Variants in ATOH8 observed in about 807,000 individuals in gnomAD.
ATOH8 encodes transcription factor ATOH8.
A neutral mutation model predicts 21.2 loss-of-function variants in ATOH8; 9 were observed. The observed-to-expected ratio is 0.42, with a 90% CI of 0.26 to 0.74. The LOEUF is 0.74. ATOH8 is among the 30% of genes least tolerant of loss of function. The pLI is 0.24. For missense variants in ATOH8, 524 were observed against 470.9 expected, an observed-to-expected ratio of 1.11 and a Z score of -1.04; for synonymous variants, 253 against 224.0, an observed-to-expected ratio of 1.13 and a Z score of -1.16.
chr2:85,769,289 G>GT (rs1680112908), intron 2 of ATOH8, among the ~76,000 whole-genome samples: 1 of 152,228 alleles, frequency 6.6e-6, no homozygotes, highest in South Asian at 2.1e-4. Context: ...CTGCCCTCAA[G>GT]TTGCTCAAAG....
rs771951468 is a variant in ATOH8 at position 85,754,842 on chromosome 2, C to T, written c.653C>T (p.Thr218Ile). 3.7e-6 allele frequency: 6 copies of T among 1,612,438 alleles called. No individual in the cohort carries two copies. The highest frequency in any genetic ancestry group is 1.7e-5 in the Admixed American group (1 of 60,012). The change falls in exon 1 of 3, where the codon ACT becomes ATT. Residue 218 changes from threonine to isoleucine, a missense_variant. By Grantham distance (89) the Thr-to-Ile change is moderately conservative. Transcript: ENST00000306279. The stretch of plus-strand genomic sequence containing the variant: ...CCTAGGAAACGACCGGGCGAAGCGA[C>T]TGCCGCCTCCTCCGAGATCAAAGCC... ...ASPRKRPGEA[T>I]AASSEIKALQ...
rs1680707143 is a variant in ATOH8 at position 85,789,412 on chromosome 2, G to A, written c.*2522G>A. Among the ~76,000 whole-genome samples the A allele has an allele frequency of 6.6e-6, 1 of 152,172 alleles. No homozygotes were observed. The highest frequency in any genetic ancestry group is 2.4e-5 in the African/African-American group (1 of 41,442). On this transcript the variant is annotated 3_prime_UTR_variant, in exon 3 of 3. Coordinates refer to ENST00000306279, the MANE Select transcript of ATOH8 (RefSeq NM_032827.7). ...ATTATGATTATAGCAGATGACTAAGGTGTTGTCGGGAGCTTCAGGAAAGGA... is the reference window on the plus strand; with the variant it reads ...ATTATGATTATAGCAGATGACTAAGATGTTGTCGGGAGCTTCAGGAAAGGA...
rs571683292 is a variant in ATOH8 at position 85,789,334 on chromosome 2, C to T, written c.*2444C>T. Among the ~76,000 whole-genome samples, 4 of 152,258 alleles carry T rather than the reference C, an allele frequency of 2.6e-5. No homozygotes were observed. The highest frequency in any genetic ancestry group is 4.1e-4 in the South Asian group (2 of 4,824). ...GGATCTTGTGTCATGCATGGCATCACGGAGCTCTGGGTTCTGTACGGAGGG... is the reference window on the plus strand; with the variant it reads ...GGATCTTGTGTCATGCATGGCATCATGGAGCTCTGGGTTCTGTACGGAGGG... On this transcript the variant is annotated 3_prime_UTR_variant, in exon 3 of 3. Transcript: ENST00000306279.
At position 85,785,947 on chromosome 2, in the gene ATOH8, C is replaced by T. The variant is rs546368521; in HGVS notation, c.961-938C>T. ...TTTCATCCTGGGTGGATCTGGAGGTCTCACAGAGCCTCCCCACCGGCTCTG... is the reference window on the plus strand; with the variant it reads ...TTTCATCCTGGGTGGATCTGGAGGTTTCACAGAGCCTCCCCACCGGCTCTG... On this transcript the variant is annotated intron_variant, in intron 2 of 2. Coordinates refer to ENST00000306279, the MANE Select transcript of ATOH8 (RefSeq NM_032827.7). This position sits in a 1 kb window ranked among gnomAD's most constrained non-coding sequence, Gnocchi z 4.1. Among the ~76,000 whole-genome samples, 27 of 152,220 alleles carry T rather than the reference C, an allele frequency of 1.8e-4. No homozygotes were observed. In the South Asian group the frequency reaches 5.6e-3, roughly 32 times the overall value.
intron 2 of ATOH8, among the ~76,000 whole-genome samples, chr2:85,782,199 A>G (rs1372626857): frequency 6.6e-6 from 1 of 152,254 alleles, no homozygotes; most frequent in Non-Finnish European, 1.5e-5. Context: ...TTTAAAAAAA[A>G]AGTCAGGATT....
intron 1 of ATOH8, among the ~76,000 whole-genome samples, chr2:85,755,829 G>A (rs1224553775): frequency 2.6e-5 from 4 of 152,130 alleles, no homozygotes; most frequent in African/African-American, 7.2e-5. Flanking sequence ...GAAGGAGGTG[G>A]TGAGTTCTCT....
intron 1 of ATOH8, among the ~76,000 whole-genome samples, chr2:85,759,390 T>C (rs1679801976): frequency 6.6e-6 from 1 of 152,126 alleles, no homozygotes; most frequent in Non-Finnish European, 1.5e-5. Flanking sequence ...CTCACTGCAC[T>C]GAGTGAGGCC....
intron 1 of ATOH8, among the ~76,000 whole-genome samples, chr2:85,756,739 C>T (rs1311225406): frequency 6.6e-6 from 1 of 152,152 alleles, no homozygotes; most frequent in African/African-American, 2.4e-5. Flanking sequence ...TCCAAGGTCA[C>T]CTAGTGGGTT....
intron 2 of ATOH8, among the ~76,000 whole-genome samples, chr2:85,771,414 G>A (rs1301838973): frequency 1.3e-5 from 2 of 152,208 alleles, no homozygotes; most frequent in African/African-American, 4.8e-5. Flanking sequence ...GAGTGCCAGA[G>A]AGGAAATCTC....
At chr2:85,771,903 G>C (rs1680192402) in intron 2 of ATOH8, among the ~76,000 whole-genome samples, 1 of 152,250 alleles carries the variant, frequency 6.6e-6, no homozygotes, top group Non-Finnish European at 1.5e-5. Context: ...CTTGCCTGGG[G>C]CCACATGGCC....
chr2:85,774,694 A>T (rs1023006447), intron 2 of ATOH8: 1 of 985,246 alleles, frequency 1.0e-6, no homozygotes, highest in Non-Finnish European at 1.2e-6. Flanking sequence ...GGGGCTCCCT[A>T]CAGGCCAAGG....
At chr2:85,762,695 C>T (rs1679899897) in intron 1 of ATOH8, among the ~76,000 whole-genome samples, 3 of 152,294 alleles carry the variant, frequency 2.0e-5, no homozygotes, top group Admixed American at 1.3e-4. Flanking sequence ...TTAGGGTCCC[C>T]AGTCTGGGGT....
chr2:85,789,913 C>A lies in ATOH8; in HGVS notation c.*3023C>A, dbSNP rs1268055728. Among the ~76,000 whole-genome samples, 1 of 152,130 alleles carries A rather than the reference C, an allele frequency of 6.6e-6. No individual in the cohort carries two copies. Among genetic ancestry groups the A allele is most frequent in the Non-Finnish European group, 1.5e-5 (1 of 68,038 alleles). On this transcript the variant is annotated 3_prime_UTR_variant, in exon 3 of 3. Coordinates refer to ENST00000306279, the MANE Select transcript of ATOH8 (RefSeq NM_032827.7). ...TTTCCCAGCTTCCTCTCCAGCACAG[C>A]AACTTGTGTTCGTATGCACACACAT...
chr2:85,779,841 G>T (rs747922382), intron 2 of ATOH8, among the ~76,000 whole-genome samples: 1 of 152,180 alleles, frequency 6.6e-6, no homozygotes, highest in African/African-American at 2.4e-5. Context: ...GCAAGGAGCC[G>T]CCCTCCGTAA....
At chr2:85,765,546 A>G (rs1241550717) in intron 2 of ATOH8, among the ~76,000 whole-genome samples, 2 of 152,156 alleles carry the variant, frequency 1.3e-5, no homozygotes, top group Non-Finnish European at 2.9e-5. Context: ...TGACACTGGT[A>G]AATTAGGGCG....
intron 2 of ATOH8, among the ~76,000 whole-genome samples, chr2:85,776,975 C>T (rs1680345270): frequency 6.6e-6 from 1 of 152,136 alleles, no homozygotes; most frequent in African/African-American, 2.4e-5. Flanking sequence ...AGCCCACCCA[C>T]CCCCTCCACA....
intron 2 of ATOH8, among the ~76,000 whole-genome samples, chr2:85,768,970 A>G (rs1227228606): frequency 4.6e-5 from 7 of 152,146 alleles, no homozygotes; most frequent in African/African-American, 1.7e-4. Context: ...AGCCGGAGAT[A>G]ATGCACGTTA....
chr2:85,780,368 G>A (rs1189735054), intron 2 of ATOH8: 2 of 152,252 alleles, frequency 1.3e-5, no homozygotes, highest in Non-Finnish European at 2.9e-5. Context: ...GTTTCTTACT[G>A]ATAGGAAAGT....
Position 85,789,514 on chromosome 2 carries a change from G to A in ATOH8, c.*2624G>A, listed in dbSNP as rs1461602554. Among the ~76,000 whole-genome samples, 1 of 152,210 alleles carries A rather than the reference G, an allele frequency of 6.6e-6. No homozygotes were observed. Among genetic ancestry groups the A allele is most frequent in the Non-Finnish European group, 1.5e-5 (1 of 68,030 alleles). ...ATGGGACTTGCGTCTTAAATGGTGA[G>A]TAAAAGCTTTCTGAGCAGGGGAGTA... On this transcript the variant is annotated 3_prime_UTR_variant, in exon 3 of 3. Transcript: ENST00000306279.
Sources: gnomAD v4.1 joint callset for allele counts (sites outside exome capture counted in the v4.1 genomes callset) on GRCh38, gnomAD v4.1.1 for gene constraint, Gnocchi (gnomAD v3.1) non-coding constraint, MANE v1.5 for transcripts, NCBI Gene and HGNC (gene_info 2026-07-23, HGNC 2026-07-21) for gene names.